CXCL13: variants seen among roughly 807,000 people sequenced by gnomAD.
CXCL13 encodes the protein C-X-C motif chemokine 13.
A neutral mutation model predicts 12.2 loss-of-function variants in CXCL13; 7 were observed. The ratio of observed to expected loss-of-function variants is 0.57; its 90% CI spans 0.33 to 1.07. The LOEUF is 1.07. Ranked by LOEUF, CXCL13 falls within the 50% of genes least tolerant of loss-of-function variation. The pLI is 0.04. For missense variants in CXCL13, 113 were observed against 127.4 expected (o/e 0.89, Z 0.55); for synonymous variants, 47 against 42.4 (o/e 1.11, Z -0.42).
chr4:77,588,989 C>G (rs1033788279), intron 1 of CXCL13, among the ~76,000 whole-genome samples: 3 of 152,204 alleles, frequency 2.0e-5, no homozygotes, highest in African/African-American at 7.2e-5. Flanking sequence ...TTCACTCTGT[C>G]TAGATTTCTA....
chr4:77,530,973 T>C (rs899948294), intron 1 of CXCL13, among the ~76,000 whole-genome samples: 15 of 152,044 alleles, frequency 9.9e-5, no homozygotes, highest in African/African-American at 3.4e-4. Flanking sequence ...TGGTATCTTG[T>C]GTCTTTGTTC....
At chr4:77,524,208 G>A (rs974594934) in intron 1 of CXCL13, among the ~76,000 whole-genome samples, 3 of 152,194 alleles carry the variant, frequency 2.0e-5, no homozygotes, top group African/African-American at 7.2e-5. Context: ...TGAGGAGGTA[G>A]TCTGTCCATT....
rs185740718 is a variant in CXCL13 at position 77,519,945 on chromosome 4, T to C, written c.-43+8157T>C. On this transcript the variant is annotated intron_variant, in intron 1 of 4. Coordinates refer to the CXCL13 transcript ENST00000286758. ...GCTTTCTACATATGGCTAGCCAGTTTTCCCAGCACCATTTATTAAATAGGG... is the reference window on the plus strand; with the variant it reads ...GCTTTCTACATATGGCTAGCCAGTTCTCCCAGCACCATTTATTAAATAGGG... Among the ~76,000 whole-genome samples the C allele has an allele frequency of 1.7e-4, 26 of 152,350 alleles. 1 individual carries two copies. Among genetic ancestry groups the C allele is most frequent in the African/African-American group, 6.3e-4 (26 of 41,588 alleles).
chr4:77,516,962 C>T (rs1445026728), intron 1 of CXCL13, among the ~76,000 whole-genome samples: 1 of 152,084 alleles, frequency 6.6e-6, no homozygotes, highest in African/African-American at 2.4e-5. Context: ...AAATTTCCCT[C>T]TACACACTGC....
intron 1 of CXCL13, among the ~76,000 whole-genome samples, chr4:77,575,383 ATTT>A (rs1182362130): frequency 1.3e-5 from 2 of 151,666 alleles, no homozygotes; most frequent in African/African-American, 4.9e-5. Context: ...TCCCATGTTG[ATTT>A]GCTGCACCCA....
intron 1 of CXCL13, among the ~76,000 whole-genome samples, chr4:77,550,112 G>A (rs191403966): frequency 5.3e-5 from 8 of 152,334 alleles, no homozygotes; most frequent in African/African-American, 1.9e-4. Flanking sequence ...TGTGCTAGCA[G>A]TGAGCAAGGC....
intron 1 of CXCL13, among the ~76,000 whole-genome samples, 178 bp from the exon 2 acceptor site, chr4:77,607,525 A>G (rs1171971508): frequency 2.0e-5 from 3 of 152,204 alleles, no homozygotes; most frequent in Non-Finnish European, 2.9e-5. Context: ...GGTAGAAAAC[A>G]TTTGAAAATA....
At chr4:77,581,601 C>T (rs973360154) in intron 1 of CXCL13, among the ~76,000 whole-genome samples, 15 of 152,236 alleles carry the variant, frequency 9.9e-5, no homozygotes, top group African/African-American at 3.6e-4. Flanking sequence ...TAAGAGTTAG[C>T]ATCCTCCAAA....
In CXCL13 at chr4:77,566,050, G is replaced by A. The variant is rs559019701; in HGVS notation, c.-42-39774G>A. 5.0e-4 allele frequency among the ~76,000 whole-genome samples: 76 copies of A among 152,210 alleles called. 1 individual carries two copies. The highest frequency in any genetic ancestry group is 8.4e-4 in the Non-Finnish European group (57 of 68,024). The stretch of plus-strand genomic sequence containing the variant: ...TGCTCTTCAAAATCTGGACCTATGC[G>A]TCAAGTTTCATAGACTAATGATTCA... On this transcript the variant is annotated intron_variant, in intron 1 of 4. Coordinates refer to the CXCL13 transcript ENST00000286758.
intron 1 of CXCL13, among the ~76,000 whole-genome samples, chr4:77,515,448 G>T (rs1030735973): frequency 1.3e-5 from 2 of 152,170 alleles, no homozygotes; most frequent in African/African-American, 2.4e-5. Context: ...AGCATGGAAG[G>T]TTCTTTCATT....
chr4:77,568,258 G>A (rs1725983452), intron 1 of CXCL13, among the ~76,000 whole-genome samples: 1 of 152,088 alleles, frequency 6.6e-6, no homozygotes, highest in Non-Finnish European at 1.5e-5. Flanking sequence ...GTCCTTTCCT[G>A]TATTCTTTAT....
chr4:77,534,190 T>C (rs1175341180), intron 1 of CXCL13, among the ~76,000 whole-genome samples: 1 of 150,396 alleles, frequency 6.6e-6, no homozygotes, highest in African/African-American at 2.4e-5. Flanking sequence ...TGGCAGTTTC[T>C]TAAAAACAAA....
intron 1 of CXCL13, among the ~76,000 whole-genome samples, chr4:77,578,100 A>T (rs564439939): frequency 6.6e-6 from 1 of 152,304 alleles, no homozygotes; most frequent in East Asian, 1.9e-4. Context: ...AAAGGGTAAA[A>T]GTCCTTTTTT....
chr4:77,596,899 G>A (rs2109833744), intron 1 of CXCL13, among the ~76,000 whole-genome samples: 1 of 152,266 alleles, frequency 6.6e-6, no homozygotes, highest in East Asian at 1.9e-4. Flanking sequence ...CCAAGACGTG[G>A]GAATGACCTA....
chr4:77,528,034 GT>G (rs1239186909), intron 1 of CXCL13, among the ~76,000 whole-genome samples: 8 of 152,030 alleles, frequency 5.3e-5, no homozygotes, highest in Non-Finnish European at 1.2e-4. Flanking sequence ...GCGGTGTTTG[GT>G]TTTTTGTCCT....
chr4:77,527,311 A>T (rs1724791492), intron 1 of CXCL13, among the ~76,000 whole-genome samples: 1 of 152,196 alleles, frequency 6.6e-6, no homozygotes. Flanking sequence ...AAAATGATAC[A>T]GCCACTCTGG....
intron 1 of CXCL13, among the ~76,000 whole-genome samples, chr4:77,556,617 A>G (rs1376461260): frequency 6.6e-6 from 1 of 152,220 alleles, no homozygotes; most frequent in Non-Finnish European, 1.5e-5. Flanking sequence ...AGATTGATTT[A>G]TATATCATTG....
chr4:77,524,132 A>T (rs1724698523), intron 1 of CXCL13, among the ~76,000 whole-genome samples: 1 of 152,048 alleles, frequency 6.6e-6, no homozygotes, highest in Admixed American at 6.5e-5. Flanking sequence ...TGCCTATATG[A>T]GGTGTCAGTT....
chr4:77,558,926 C>T (rs1454838585), intron 1 of CXCL13, among the ~76,000 whole-genome samples: 1 of 152,102 alleles, frequency 6.6e-6, no homozygotes, highest in African/African-American at 2.4e-5. Context: ...GCCTTTCACC[C>T]CTAGCTTATC....
Sources: gnomAD v4.1 joint callset for allele counts (sites outside exome capture counted in the v4.1 genomes callset) on GRCh38, gnomAD v4.1.1 for gene constraint, MANE v1.5 for transcripts, NCBI Gene and HGNC (gene_info 2026-07-23, HGNC 2026-07-21) for gene names.